CAMSAP2: variants seen among roughly 807,000 people sequenced by gnomAD.
The protein encoded by CAMSAP2 is calmodulin-regulated spectrin-associated protein 2.
In CAMSAP2, 26 loss-of-function variants were observed where a neutral mutation model predicts 146.1. The ratio of observed to expected loss-of-function variants is 0.18; its 90% CI spans 0.13 to 0.25. CAMSAP2 has a LOEUF of 0.25. Among genes scored for constraint, CAMSAP2 ranks in the 10% least tolerant of loss-of-function variants. The pLI is 1.00. For missense variants in CAMSAP2, 1,381 were observed against 1,759.3 expected (o/e 0.78, Z 3.85); for synonymous variants, 499 against 596.6 (o/e 0.84, Z 2.38).
chr1:200,852,479 A>G, intron 11 of CAMSAP2, 62 bp from the exon 12 acceptor site: 1 of 1,563,642 alleles, frequency 6.4e-7, no homozygotes, highest in Non-Finnish European at 8.7e-7. Flanking sequence ...GACTACAACA[A>G]TTGAAAATGA....
intron 2 of CAMSAP2, among the ~76,000 whole-genome samples, chr1:200,805,616 T>C (rs1395401508): frequency 1.3e-5 from 2 of 152,200 alleles, no homozygotes; most frequent in Non-Finnish European, 2.9e-5. Context: ...CAATATTCTG[T>C]AGGAACCTGT....
intron 1 of CAMSAP2, among the ~76,000 whole-genome samples, chr1:200,760,144 G>C (rs1664762186): frequency 6.6e-6 from 1 of 152,194 alleles, no homozygotes; most frequent in Non-Finnish European, 1.5e-5. Context: ...TTATGTTTTA[G>C]TCGAACTTGT....
intron 12 of CAMSAP2, among the ~76,000 whole-genome samples, chr1:200,852,880 A>G (rs1391199532): frequency 6.6e-6 from 1 of 152,162 alleles, no homozygotes; most frequent in Non-Finnish European, 1.5e-5. Context: ...ATTTTCCCAA[A>G]GTATTGCCTA....
At position 200,740,719 on chromosome 1, in the gene CAMSAP2, G is replaced by A. The variant is rs138644030; in HGVS notation, c.139+753G>A. ...GGCGTGTGCTGTTGACACAGAAATT[G>A]TATAGTACAGTAGCAGTTAAACACT... On this transcript the variant is annotated intron_variant, in intron 1 of 16. Transcript: ENST00000358823. 5.1e-3 allele frequency among the ~76,000 whole-genome samples: 776 copies of A among 152,250 alleles called. 10 individuals carry two copies. The highest frequency in any genetic ancestry group is 0.018 in the African/African-American group (745 of 41,532).
chr1:200,850,004 G>A lies in CAMSAP2; in HGVS notation c.3235G>A (p.Glu1079Lys). ...VSEVLSLPVTETVCLTPNEDQ... is the reference protein window; with the variant it reads ...VSEVLSLPVTKTVCLTPNEDQ... ...TGAAGTCCTATCACTGCCTGTCACAGAGACTGTATGTCTGACACCAAATGA... is the reference window on the plus strand; with the variant it reads ...TGAAGTCCTATCACTGCCTGTCACAAAGACTGTATGTCTGACACCAAATGA... Residue 1079 changes from glutamate (E) to lysine (K), a missense_variant, in exon 11 of 17, where the codon GAG becomes AAG. Glu to Lys is a moderately conservative substitution (Grantham distance 56). Transcript: ENST00000358823. 1 of 1,614,100 alleles carries A rather than the reference G, an allele frequency of 6.2e-7. No homozygotes were observed. Among genetic ancestry groups the A allele is most frequent in the South Asian group, 1.1e-5 (1 of 91,070 alleles).
At chr1:200,843,071 C>T (rs1426628146) in intron 7 of CAMSAP2, among the ~76,000 whole-genome samples, 1 of 151,914 alleles carries the variant, frequency 6.6e-6, no homozygotes, top group East Asian at 1.9e-4. Flanking sequence ...GAACTTTCTT[C>T]CAGCATAACT....
At chr1:200,787,405 A>G (rs746474933) in intron 2 of CAMSAP2, among the ~76,000 whole-genome samples, 1 of 152,230 alleles carries the variant, frequency 6.6e-6, no homozygotes, top group Non-Finnish European at 1.5e-5. Flanking sequence ...TCAGTACTTC[A>G]GTGGCAGAAG....
At chr1:200,753,451 CCTT>C (rs1254777872) in intron 1 of CAMSAP2, among the ~76,000 whole-genome samples, 1 of 152,128 alleles carries the variant, frequency 6.6e-6, no homozygotes, top group East Asian at 1.9e-4. Flanking sequence ...CTGGGTGCCT[CCTT>C]CTTTGTGTTC....
chr1:200,751,535 CAAAAAAAAAAAAA>C (rs35294926), intron 1 of CAMSAP2, among the ~76,000 whole-genome samples: 3 of 41,596 alleles, frequency 7.2e-5, no homozygotes, highest in Non-Finnish European at 1.4e-4. Flanking sequence ...GACTCCATCT[CAAAAAAAAAAAAA>C]AAAAAAAAAA....
At chr1:200,799,394 T>G (rs907247065) in intron 2 of CAMSAP2, among the ~76,000 whole-genome samples, 11 of 152,182 alleles carry the variant, frequency 7.2e-5, no homozygotes, top group African/African-American at 2.4e-4. Context: ...CCTGGTTTAG[T>G]CTTGGGAGGG....
chr1:200,749,442 T>G (rs1006271641), intron 1 of CAMSAP2, among the ~76,000 whole-genome samples: 1 of 73,082 alleles, frequency 1.4e-5, no homozygotes, highest in Non-Finnish European at 2.3e-5. Flanking sequence ...TCATTGACTC[T>G]TGTTTAGTGT....
In CAMSAP2 at chr1:200,744,924, G is replaced by A. The variant is rs374183920; in HGVS notation, c.139+4958G>A. On this transcript the variant is annotated intron_variant, in intron 1 of 16. Transcript: ENST00000358823. Reference sequence around the variant, plus strand: ...AAACGGACAGAATTATGTGAAGGGTGAGGTGAAGGAATTTGGTATTTATTT... The same window carrying A: ...AAACGGACAGAATTATGTGAAGGGTAAGGTGAAGGAATTTGGTATTTATTT... Among the ~76,000 whole-genome samples the A allele has an allele frequency of 2.0e-5, 3 of 152,076 alleles. No homozygotes were observed. The East Asian group carries it at 5.8e-4, about 29-fold the overall frequency.
At chr1:200,794,116 A>C (rs924334609) in intron 2 of CAMSAP2, among the ~76,000 whole-genome samples, 1 of 152,210 alleles carries the variant, frequency 6.6e-6, no homozygotes, top group African/African-American at 2.4e-5. Context: ...CATGTATAAG[A>C]TGTGCTTACT....
chr1:200,805,829 TAAGA>T (rs1264031732), intron 2 of CAMSAP2, among the ~76,000 whole-genome samples: 3 of 152,056 alleles, frequency 2.0e-5, no homozygotes, highest in South Asian at 2.1e-4. Flanking sequence ...AAGCAGCTAA[TAAGA>T]AAGAAAGAAA....
chr1:200,819,616 C>T (rs1169127092), intron 4 of CAMSAP2, among the ~76,000 whole-genome samples: 1 of 151,830 alleles, frequency 6.6e-6, no homozygotes, highest in East Asian at 1.9e-4. Flanking sequence ...CCTCTCTGGG[C>T]CTTGGGTTTG....
chr1:200,849,647 C>T lies in CAMSAP2; in HGVS notation c.2878C>T (p.Pro960Ser), dbSNP rs562531178. 5 of 1,614,200 alleles carry T rather than the reference C, an allele frequency of 3.1e-6. No homozygotes were observed. Among genetic ancestry groups the T allele is most frequent in the African/African-American group, 1.3e-5 (1 of 75,052 alleles). Residue 960 changes from proline to serine, a missense_variant, in exon 11 of 17, where the codon CCA becomes TCA. Pro to Ser is a moderately conservative substitution (Grantham distance 74). This residue lies in a region of CAMSAP2 where 560 missense variants were observed against 715.9 expected (regional missense o/e 0.78). Transcript: ENST00000358823. This position sits in a 1 kb window ranked among gnomAD's most constrained non-coding sequence, Gnocchi z 6.3. Reference sequence around the variant, plus strand: ...CTCCCCTCGTCCTACTCACCCATCTCCACAGTCTTCTAACAGGAAAAGTGC... The same window carrying T: ...CTCCCCTCGTCCTACTCACCCATCTTCACAGTCTTCTAACAGGAAAAGTGC... ...SDSPRPTHPSPQSSNRKSASF... is the reference protein window; with the variant it reads ...SDSPRPTHPSSQSSNRKSASF...
intron 4 of CAMSAP2, among the ~76,000 whole-genome samples, chr1:200,822,962 G>T (rs1056378381): frequency 2.6e-5 from 4 of 152,052 alleles, no homozygotes; most frequent in African/African-American, 9.7e-5. Context: ...TATGGGTAAG[G>T]GGGGGACAGC....
At chr1:200,818,453 A>G (rs1666664898) in intron 4 of CAMSAP2, among the ~76,000 whole-genome samples, 1 of 152,160 alleles carries the variant, frequency 6.6e-6, no homozygotes, top group Non-Finnish European at 1.5e-5. Flanking sequence ...TGTGCAATTC[A>G]TTTTTAAATA....
At chr1:200,838,427 C>T (rs1444118469) in intron 6 of CAMSAP2, among the ~76,000 whole-genome samples, 2 of 152,108 alleles carry the variant, frequency 1.3e-5, no homozygotes, top group African/African-American at 4.8e-5. Flanking sequence ...TCTTACTAAT[C>T]AGAAATATTG....
Sources: gnomAD v4.1 joint callset for allele counts (sites outside exome capture counted in the v4.1 genomes callset) on GRCh38, gnomAD v4.1.1 for gene constraint, gnomAD v4.1.1 regional missense constraint, Gnocchi (gnomAD v3.1) non-coding constraint, MANE v1.5 for transcripts, NCBI Gene and HGNC (gene_info 2026-07-23, HGNC 2026-07-21) for gene names.